Variants in SCGN observed in about 807,000 individuals in gnomAD.
SCGN encodes secretagogin.
SCGN carries 30 observed loss-of-function variants against 39.7 expected under a neutral mutation model. The ratio of observed to expected loss-of-function variants is 0.76; its 90% CI spans 0.57 to 1.03. The LOEUF is 1.03. Among genes scored for constraint, SCGN ranks in the 50% least tolerant of loss-of-function variants. The pLI is 0.00. For missense variants in SCGN, 353 were observed against 349.4 expected, an observed-to-expected ratio of 1.01 and a Z score of -0.08; for synonymous variants, 106 against 114.1, an observed-to-expected ratio of 0.93 and a Z score of 0.45.
At chr6:25,673,960 G>A (rs1314480474) in intron 6 of SCGN, among the ~76,000 whole-genome samples, 1 of 152,106 alleles carries the variant, frequency 6.6e-6, no homozygotes. Context: ...ACATCACATG[G>A]CAAAAGCAGG....
chr6:25,693,939 TCATAGATCCTACTTC>T, intron 10 of SCGN, among the ~76,000 whole-genome samples: 1 of 152,182 alleles, frequency 6.6e-6, no homozygotes, highest in Non-Finnish European at 1.5e-5. Context: ...ATGGAAATTG[TCATAGATCCTACTTC>T]CATAAAGTTG....
chr6:25,677,855 T>C (rs1336757680), intron 6 of SCGN, among the ~76,000 whole-genome samples: 1 of 152,204 alleles, frequency 6.6e-6, no homozygotes, highest in African/African-American at 2.4e-5. Context: ...AGTCACAGAC[T>C]TCCTCTCCCA....
At position 25,652,446 on chromosome 6, in the gene SCGN, G is replaced by T. The variant is rs773183103; in HGVS notation, c.43G>T (p.Ala15Ser). Residue 15 changes from alanine (A) to serine (S), a missense_variant, in exon 1 of 11, where the codon GCT becomes TCT. Transcript: ENST00000377961. ...ACCGACTCTGGGGCGCTTGGACGCC[G>T]CTGGCTTCTGGCAGGTCTGGCAGCG... The part of the protein sequence containing the change: ...REPTLGRLDA[A>S]GFWQVWQRFD... 4.3e-6 allele frequency: 7 copies of T among 1,614,054 alleles called. No individual in the cohort carries two copies. The East Asian group carries it at 6.7e-5, about 15-fold the overall frequency.
At chr6:25,700,240 T>TTAA (rs1561772106) in intron 10 of SCGN, among the ~76,000 whole-genome samples, 960 of 6,466 alleles carry the variant, frequency 0.15, 18 homozygotes, top group African/African-American at 0.28. Context: ...CGACTTCGTC[T>TTAA]CAAAAAAAAA....
chr6:25,700,481 A>C (rs1759897360), intron 10 of SCGN, among the ~76,000 whole-genome samples: 1 of 152,192 alleles, frequency 6.6e-6, no homozygotes, highest in Non-Finnish European at 1.5e-5. Context: ...CTTGGGCTCA[A>C]AAATGCTGCC....
At chr6:25,660,580 C>T (rs12216281) in intron 2 of SCGN, among the ~76,000 whole-genome samples, 25,766 of 152,176 alleles carry the variant, frequency 0.17, 2,227 homozygotes, top group Middle Eastern at 0.23. Flanking sequence ...ATTACCAGCA[C>T]ATGCTGGGGT....
intron 6 of SCGN, among the ~76,000 whole-genome samples, chr6:25,679,823 A>C (rs975496051): frequency 6.6e-6 from 1 of 152,204 alleles, no homozygotes; most frequent in Non-Finnish European, 1.5e-5. Context: ...AGGCAATTAG[A>C]AAAGGTAAAT....
chr6:25,701,231 G>T lies in SCGN; in HGVS notation c.727G>T (p.Asp243Tyr). 1 of 1,613,044 alleles carries T rather than the reference G, an allele frequency of 6.2e-7. No homozygotes were observed. Among genetic ancestry groups the T allele is most frequent in the Admixed American group, 1.7e-5 (1 of 59,856 alleles). ...GCCCAGCATCAGCGGGGTGGACCTT[G>T]ATAAGTTCCGCGAGATTCTCCTGCG... is the stretch of plus-strand genomic sequence containing the variant. ...VQPSISGVDL[D>Y]KFREILLRHC... Residue 243 changes from aspartate (D) to tyrosine (Y), a missense_variant, in exon 11 of 11, where the codon GAT becomes TAT. Physicochemically the swap from Asp to Tyr is radical, Grantham distance 160. Transcript: ENST00000377961.
At chr6:25,661,496 A>T in intron 2 of SCGN, 56 bp from the exon 3 acceptor site, 1 of 1,175,912 alleles carries the variant, frequency 8.5e-7, no homozygotes, top group Non-Finnish European at 1.3e-6. Context: ...TTGCCATCCT[A>T]ACTATATCTT....
At chr6:25,694,042 A>C (rs949304406) in intron 10 of SCGN, among the ~76,000 whole-genome samples, 2 of 152,328 alleles carry the variant, frequency 1.3e-5, no homozygotes, top group East Asian at 3.9e-4. Flanking sequence ...CATGGTAATA[A>C]ATTATTACTA....
chr6:25,674,764 C>T (rs1759543920), intron 6 of SCGN, among the ~76,000 whole-genome samples: 2 of 152,186 alleles, frequency 1.3e-5, no homozygotes, highest in South Asian at 4.1e-4. Context: ...CTTGCCTTAT[C>T]CTGATTCCTA....
chr6:25,700,678 C>T (rs551184346), intron 10 of SCGN, among the ~76,000 whole-genome samples: 49 of 152,298 alleles, frequency 3.2e-4, no homozygotes, highest in African/African-American at 1.1e-3. Flanking sequence ...AAAAACTTTT[C>T]CTAGCTAACA....
chr6:25,668,872 G>A (rs1759442203), intron 4 of SCGN, among the ~76,000 whole-genome samples: 1 of 152,186 alleles, frequency 6.6e-6, no homozygotes, highest in Admixed American at 6.5e-5. Flanking sequence ...AGCACTTTGG[G>A]AGGCCGAGGC....
chr6:25,683,961 GC>G (rs568732077), intron 7 of SCGN, among the ~76,000 whole-genome samples: 242 of 152,268 alleles, frequency 1.6e-3, no homozygotes, highest in Middle Eastern at 6.8e-3. Flanking sequence ...AGTCACGATT[GC>G]CCCCTGGACA....
chr6:25,701,089 C>T, intron 10 of SCGN, 118 bp from the exon 11 acceptor site: 3 of 1,122,094 alleles, frequency 2.7e-6, no homozygotes, highest in Non-Finnish European at 3.7e-6. Flanking sequence ...TCCCTCACTC[C>T]CTGTGGCCTG....
At chr6:25,653,627 T>G (rs537741319) in intron 2 of SCGN, among the ~76,000 whole-genome samples, 175 bp downstream of exon 2, 1 of 152,318 alleles carries the variant, frequency 6.6e-6, no homozygotes, top group African/African-American at 2.4e-5. Context: ...TTATAAAAGG[T>G]GCAACTGTAG....
intron 10 of SCGN, among the ~76,000 whole-genome samples, chr6:25,693,796 T>A (rs967630025): frequency 2.6e-5 from 4 of 152,186 alleles, no homozygotes; most frequent in African/African-American, 4.8e-5. Flanking sequence ...AAGAAGCTGA[T>A]GAGAATTCGA....
At chr6:25,671,821 G>A (rs561229163) in intron 6 of SCGN, among the ~76,000 whole-genome samples, 1 of 152,336 alleles carries the variant, frequency 6.6e-6, no homozygotes, top group South Asian at 2.1e-4. Context: ...TTCTAGTTCA[G>A]CATATTTTTA....
chr6:25,656,653 C>A (rs563534523), intron 2 of SCGN, among the ~76,000 whole-genome samples: 1 of 152,214 alleles, frequency 6.6e-6, no homozygotes, highest in Non-Finnish European at 1.5e-5. Context: ...CCTGCTGTAG[C>A]CTAGCGTCTC....
Sources: allele counts gnomAD v4.1 joint callset (sites outside exome capture counted in the v4.1 genomes callset), GRCh38; gene constraint gnomAD v4.1.1; transcripts MANE v1.5; gene names NCBI Gene and HGNC (gene_info 2026-07-23, HGNC 2026-07-21).